The following TMEM205 variants were observed in gnomAD, a reference collection of about 807,000 sequenced individuals.
TMEM205 encodes the protein transmembrane protein 205.
In TMEM205, 11 loss-of-function variants were observed where a neutral mutation model predicts 17.9. The ratio of observed to expected loss-of-function variants is 0.61; its 90% confidence interval spans 0.39 to 1.02. The LOEUF is 1.02. Ranked by LOEUF, TMEM205 falls within the 50% of genes least tolerant of loss-of-function variation. The pLI, the probability that TMEM205 is intolerant of heterozygous loss-of-function variation, is 0.01. For synonymous variants in TMEM205, 86 were observed against 97.4 expected (o/e 0.88, Z 0.69); for missense variants, 236 against 239.4 (o/e 0.99, Z 0.09).
At chr19:11,345,080 ACTC>A (rs1285761931) in intron 2 of TMEM205, 169 bp downstream of exon 2, 1 of 608,940 alleles carries the variant, frequency 1.6e-6, no homozygotes, top group Admixed American at 3.2e-5. Flanking sequence ...CTGGTCTTGA[ACTC>A]CTGACCTCGT....
Position 11,345,771 on chromosome 19 carries a change from G to C in TMEM205, c.-152C>G, listed in dbSNP as rs962227125. On this transcript the variant is annotated 5_prime_UTR_variant, in exon 1 of 3. Transcript: ENST00000354882. Reference sequence around the variant, plus strand: ...GCATCCCGGGAATGAGAGTGAGAAAGGCCCAAAGCAGTCAAGGCCCAAAGA... The same window carrying C: ...GCATCCCGGGAATGAGAGTGAGAAACGCCCAAAGCAGTCAAGGCCCAAAGA... The C allele has an allele frequency of 2.1e-6, 3 of 1,414,788 alleles. No homozygotes were observed. In the African/African-American group the frequency reaches 4.3e-5, roughly 20 times the overall value. 87.6% of individuals were successfully genotyped at this position (1,414,788 alleles called of 1,614,324 possible).
rs776087561 is a variant in TMEM205 at position 11,343,003 on chromosome 19, C to A, written c.382G>T (p.Gly128Trp). The change falls in exon 3 of 3, where the codon GGG becomes TGG. Residue 128 changes from glycine to tryptophan, a missense_variant. By Grantham distance (184) the Gly-to-Trp change is radical. Coordinates refer to ENST00000354882, the MANE Select transcript of TMEM205 (RefSeq NM_198536.3). ...CCCTGGTGGCTGCCTGGTACCTCCCCACCCAGGCCTCGCTCCTTCTCCACG... is the reference window on the plus strand; with the variant it reads ...CCCTGGTGGCTGCCTGGTACCTCCCAACCCAGGCCTCGCTCCTTCTCCACG... The part of the protein sequence containing the change: ...QTVEKERGLG[G>W]EVPGSHQGPD... 13 of 1,614,200 alleles carry A rather than the reference C, an allele frequency of 8.1e-6. No homozygotes were observed. Among genetic ancestry groups the A allele is most frequent in the South Asian group, 3.3e-5 (3 of 91,086 alleles).
At position 11,345,697 on chromosome 19, in the gene TMEM205, G is replaced by A. The variant is rs965694509; in HGVS notation, c.-78C>T. On this transcript the variant is annotated 5_prime_UTR_variant, in exon 1 of 3. Coordinates refer to ENST00000354882, the MANE Select transcript of TMEM205 (RefSeq NM_198536.3). ...CATGCGTGGCCTTCAGACCCTGTGA[G>A]CCCGCTCGGGGACAGGGTTACGGCC... The A allele has an allele frequency of 8.2e-6, 13 of 1,579,546 alleles. No individual in the cohort carries two copies. Among genetic ancestry groups the A allele is most frequent in the South Asian group, 2.3e-5 (2 of 87,192 alleles).
intron 2 of TMEM205, among the ~76,000 whole-genome samples, chr19:11,343,374 C>CGAG (rs1343490662): frequency 6.6e-6 from 1 of 152,224 alleles, no homozygotes; most frequent in Non-Finnish European, 1.5e-5. Context: ...CAAAACCTCC[C>CGAG]GAGCCTCTTC....
Position 11,346,024 on chromosome 19 carries a change from A to G in TMEM205, c.-405T>C, listed in dbSNP as rs1967205151. The G allele has an allele frequency of 8.7e-6, 2 of 229,708 alleles. No individual in the cohort carries two copies. Among genetic ancestry groups the G allele is most frequent in the African/African-American group, 2.4e-5 (1 of 42,424 alleles). The allele number at this position is 229,708 out of a possible 1,614,324, so 14.2% of individuals were successfully genotyped here. A position where few individuals can be genotyped will look rare whatever the true frequency, so the allele number is the denominator to read the frequency against. ...AAATAATACCGGATATTAGGTGAAG[A>G]TCCCGAAAGCCCCGAGGAAACCCTA... On this transcript the variant is annotated 5_prime_UTR_variant, in exon 1 of 3. Coordinates refer to ENST00000354882, the MANE Select transcript of TMEM205 (RefSeq NM_198536.3).
In TMEM205 at chr19:11,343,103, C is replaced by A; in HGVS notation, c.282G>T (p.Leu94=). 1 of 1,611,028 alleles carries A rather than the reference C, an allele frequency of 6.2e-7. No individual in the cohort carries two copies. Among genetic ancestry groups the A allele is most frequent in the Non-Finnish European group, 8.5e-7 (1 of 1,178,696 alleles). Residue 94 remains leucine (L), a synonymous_variant, in exon 3 of 3, where the codon CTG becomes CTT. Transcript: ENST00000354882. ...WEASQLYLLF[L]SLTLATVNAR... is the part of the protein sequence containing the mutation. The stretch of plus-strand genomic sequence containing the variant: ...CGTTGACAGTGGCCAGCGTAAGGCT[C>A]AGGAACAGCAGGTAAAGCTGGCAGG...
At position 11,343,027 on chromosome 19, in the gene TMEM205, C is replaced by A. The variant is rs377230544; in HGVS notation, c.358G>T (p.Val120Leu). 2 of 1,614,150 alleles carry A rather than the reference C, an allele frequency of 1.2e-6. No homozygotes were observed. Among genetic ancestry groups the A allele is most frequent in the Non-Finnish European group, 1.7e-6 (2 of 1,180,024 alleles). ...TTAAMWALQT[V>L]EKERGLGGEV... The stretch of plus-strand genomic sequence containing the variant: ...CCACCCAGGCCTCGCTCCTTCTCCA[C>A]GGTTTGCAGGGCCCACATGGCAGCT... The change falls in exon 3 of 3, where the codon GTG (valine) becomes TTG (leucine). Residue 120 changes from valine (V) to leucine (L), a missense_variant. Transcript: ENST00000354882.
At position 11,345,133 on chromosome 19, in the gene TMEM205, G is replaced by A. The variant is rs1014093850; in HGVS notation, c.264+119C>T. ...GGCCTCCCAAAGTGTTGGGATTACA[G>A]GCGTGAGCCACCATGCCTAGCCTTT... is the stretch of plus-strand genomic sequence containing the variant. On this transcript the variant is annotated intron_variant, in intron 2 of 2. Transcript: ENST00000354882. The A allele has an allele frequency of 2.7e-6, 3 of 1,120,162 alleles. No individual in the cohort carries two copies. In the African/African-American group the frequency reaches 4.7e-5, roughly 18 times the overall value. 69.4% of individuals were successfully genotyped at this position (1,120,162 alleles called of 1,614,324 possible).
intron 2 of TMEM205, chr19:11,344,599 A>G (rs1015138440): frequency 5.3e-5 from 8 of 152,242 alleles, no homozygotes; most frequent in African/African-American, 1.9e-4. Flanking sequence ...TGGTTTTTAA[A>G]CAATAAGCTG....
rs745834961 is a variant in TMEM205, at chr19:11,342,848, G to A, written c.537C>T (p.Leu179=). ...TCCTTATTTCCAGGGCAAGGCCAGC[G>A]AGACAGAGCCCATTGCTCAGGACGC... ...LGCVLSNGLC[L]AGLALEIRSL The change falls in exon 3 of 3, where the codon CTC becomes CTT. Residue 179 remains leucine (L), a synonymous_variant. Coordinates refer to ENST00000354882, the MANE Select transcript of TMEM205 (RefSeq NM_198536.3). The A allele has an allele frequency of 1.9e-5, 30 of 1,614,036 alleles. No homozygotes were observed. Among genetic ancestry groups the A allele is most frequent in the Middle Eastern group, 1.6e-4 (1 of 6,084 alleles).
chr19:11,343,911 A>G (rs1188782064), intron 2 of TMEM205, among the ~76,000 whole-genome samples: 1 of 151,200 alleles, frequency 6.6e-6, no homozygotes, highest in Non-Finnish European at 1.5e-5. Flanking sequence ...GTTCAAGACC[A>G]GCCTGAACAA....
chr19:11,345,164 T>G lies in TMEM205; in HGVS notation c.264+88A>C. ...AGCCACCATGCCTAGCCTTTTTTTTTCCCCCCCTGGAAAAGGTGTAGCCAT... is the reference window on the plus strand; with the variant it reads ...AGCCACCATGCCTAGCCTTTTTTTTGCCCCCCCTGGAAAAGGTGTAGCCAT... On this transcript the variant is annotated intron_variant, in intron 2 of 2. Transcript: ENST00000354882. 7.2e-6 allele frequency: 10 copies of G among 1,398,412 alleles called. No individual in the cohort carries two copies. In the South Asian group the frequency reaches 1.1e-4, roughly 15 times the overall value. 86.6% of individuals were successfully genotyped at this position (1,398,412 alleles called of 1,614,324 possible).
intron 2 of TMEM205, 21 bp from the exon 3 acceptor site, chr19:11,343,141 G>A (rs1967006654): frequency 6.3e-7 from 1 of 1,597,754 alleles, no homozygotes; most frequent in Non-Finnish European, 8.5e-7. Flanking sequence ...GAGCAGAGGA[G>A]AAGGTGAGCC....
rs765179090 is a variant in TMEM205 at position 11,343,075 on chromosome 19, G to A, written c.310C>T (p.Arg104Cys). Residue 104 changes from arginine (R) to cysteine (C), a missense_variant, in exon 3 of 3, where the codon CGC (arginine) becomes TGC (cysteine). By Grantham distance (180) the Arg-to-Cys change is radical. Transcript: ENST00000354882. The part of the protein sequence containing the change: ...LSLTLATVNA[R>C]WLEPRTTAAM... ...GCTGTGGTGCGGGGTTCCAGCCAGCGGGCGTTGACAGTGGCCAGCGTAAGG... is the reference window on the plus strand; with the variant it reads ...GCTGTGGTGCGGGGTTCCAGCCAGCAGGCGTTGACAGTGGCCAGCGTAAGG... The A allele has an allele frequency of 1.9e-5, 31 of 1,613,652 alleles. No individual in the cohort carries two copies. The highest frequency in any genetic ancestry group is 1.9e-4 in the African/African-American group (14 of 74,928).
In TMEM205 at chr19:11,345,724, A is replaced by G. The variant is rs984968583; in HGVS notation, c.-105T>C. ...CCGCTCGGGGACAGGGTTACGGCCAATCCAGCAGAGATTCTGGCAAAGCAT... is the reference window on the plus strand; with the variant it reads ...CCGCTCGGGGACAGGGTTACGGCCAGTCCAGCAGAGATTCTGGCAAAGCAT... On this transcript the variant is annotated 5_prime_UTR_variant, in exon 1 of 3. Transcript: ENST00000354882. 1.3e-6 allele frequency: 2 copies of G among 1,504,718 alleles called. No homozygotes were observed. The highest frequency in any genetic ancestry group is 1.8e-6 in the Non-Finnish European group (2 of 1,128,596). 93.2% of individuals were successfully genotyped at this position (1,504,718 alleles called of 1,614,324 possible). A position where few individuals can be genotyped will look rare whatever the true frequency, so the allele number is the denominator to read the frequency against.
intron 2 of TMEM205, 59 bp downstream of exon 2, chr19:11,345,193 C>T (rs546789533): frequency 8.0e-5 from 126 of 1,579,696 alleles, no homozygotes; most frequent in Admixed American, 5.5e-4. Context: ...TAGCCATAGG[C>T]GCTGACTGAG....
In TMEM205 at chr19:11,343,057, T is replaced by A; in HGVS notation, c.328A>T (p.Thr110Ser). The A allele has an allele frequency of 6.2e-7, 1 of 1,613,974 alleles. No homozygotes were observed. The highest frequency in any genetic ancestry group is 8.5e-7 in the Non-Finnish European group (1 of 1,179,982). Residue 110 changes from threonine (T) to serine (S), a missense_variant, in exon 3 of 3, where the codon ACC becomes TCC. Coordinates refer to ENST00000354882, the MANE Select transcript of TMEM205 (RefSeq NM_198536.3). ...TVNARWLEPR[T>S]TAAMWALQTV... is the part of the protein sequence containing the mutation. ...TGCAGGGCCCACATGGCAGCTGTGGTGCGGGGTTCCAGCCAGCGGGCGTTG... is the reference window on the plus strand; with the variant it reads ...TGCAGGGCCCACATGGCAGCTGTGGAGCGGGGTTCCAGCCAGCGGGCGTTG...
intron 2 of TMEM205, among the ~76,000 whole-genome samples, chr19:11,344,352 A>G (rs1312911725): frequency 6.6e-6 from 1 of 152,118 alleles, no homozygotes; most frequent in African/African-American, 2.4e-5. Flanking sequence ...ATTAAAATAA[A>G]TAAATAAAAG....
rs1444018586 is a variant in TMEM205 at position 11,345,608 on chromosome 19, G to T, written c.12C>A (p.Gly4=). 6.2e-7 allele frequency: 1 copy of T among 1,613,896 alleles called. No individual in the cohort carries two copies. Among genetic ancestry groups the T allele is most frequent in the African/African-American group, 1.3e-5 (1 of 75,012 alleles). ...TCTTAATCAGGCCTCCTAGGTTCCCGCCTTCCTCCATCTTGCAGTCCTGGG... is the reference window on the plus strand; with the variant it reads ...TCTTAATCAGGCCTCCTAGGTTCCCTCCTTCCTCCATCTTGCAGTCCTGGG... MEE[G]GNLGGLIKMV... The change falls in exon 1 of 3, where the codon GGC becomes GGA. Residue 4 remains glycine, a synonymous_variant. Coordinates refer to ENST00000354882, the MANE Select transcript of TMEM205 (RefSeq NM_198536.3).
Sources: allele counts gnomAD v4.1 joint callset (sites outside exome capture counted in the v4.1 genomes callset), GRCh38; gene constraint gnomAD v4.1.1; transcripts MANE v1.5; gene names NCBI Gene and HGNC (gene_info 2026-07-23, HGNC 2026-07-21).